The following THSD7A variants were observed in gnomAD, a reference collection of about 807,000 sequenced individuals.
THSD7A encodes the protein thrombospondin type-1 domain-containing protein 7A.
Under a neutral mutation model 231.3 loss-of-function variants are expected in THSD7A, and 96 were observed. The observed-to-expected ratio is 0.41, with a 90% CI of 0.35 to 0.49. The LOEUF (loss-of-function observed/expected upper bound fraction) is 0.49. THSD7A is among the 20% of genes least tolerant of loss of function. The pLI is 0.05. For synonymous variants in THSD7A, 940 were observed against 743.3 expected (o/e 1.26, Z -4.30); for missense variants, 2,290 against 2,070.2 (o/e 1.11, Z -2.06).
chr7:11,383,169 G>A (rs918071656), intron 23 of THSD7A, among the ~76,000 whole-genome samples: 1 of 151,410 alleles, frequency 6.6e-6, no homozygotes, highest in Non-Finnish European at 1.5e-5. Flanking sequence ...ACTATATACA[G>A]AAATGATATA....
intron 9 of THSD7A, among the ~76,000 whole-genome samples, chr7:11,467,717 T>A (rs1785766554): frequency 6.6e-6 from 1 of 151,480 alleles, no homozygotes; most frequent in Non-Finnish European, 1.5e-5. Context: ...CATGTTATTT[T>A]CTTTTCAAGT....
chr7:11,550,002 G>A (rs932584839), intron 4 of THSD7A, among the ~76,000 whole-genome samples: 1 of 152,110 alleles, frequency 6.6e-6, no homozygotes, highest in Admixed American at 6.6e-5. Flanking sequence ...TCAGGCAAGA[G>A]AAAGAAATAA....
chr7:11,617,490 C>T (rs1781147377), intron 2 of THSD7A, among the ~76,000 whole-genome samples: 1 of 152,116 alleles, frequency 6.6e-6, no homozygotes, highest in African/African-American at 2.4e-5. Flanking sequence ...AAATTACCTA[C>T]AAATTCTTAT....
rs867715836 is a variant in THSD7A at position 11,521,628 on chromosome 7, T to G, written c.1822+19791A>C. 1.5e-4 allele frequency among the ~76,000 whole-genome samples: 21 copies of G among 142,812 alleles called. 2 individuals carry two copies. Among genetic ancestry groups the G allele is most frequent in the Admixed American group, 3.5e-4 (5 of 14,382 alleles). The allele number at this position is 142,812 out of a possible 152,430, so 93.7% of individuals were successfully genotyped here. ...TTACATATGTATACATGTGCCATGC[T>G]GGTGCGCTGCACCCACTAACGTGTC... On this transcript the variant is annotated intron_variant, in intron 6 of 27. Coordinates refer to ENST00000423059, the MANE Select transcript of THSD7A (RefSeq NM_015204.3).
At chr7:11,515,548 A>G (rs1787995291) in intron 6 of THSD7A, among the ~76,000 whole-genome samples, 1 of 152,178 alleles carries the variant, frequency 6.6e-6, no homozygotes, top group African/African-American at 2.4e-5. Flanking sequence ...TTAACTCATC[A>G]TCTACTGATT....
chr7:11,519,130 T>C (rs1583893871), intron 6 of THSD7A, among the ~76,000 whole-genome samples: 1 of 152,096 alleles, frequency 6.6e-6, no homozygotes, highest in South Asian at 2.1e-4. Context: ...AATATCTTTA[T>C]TGAAGTAAAA....
chr7:11,582,480 A>T (rs998386065), intron 4 of THSD7A, among the ~76,000 whole-genome samples: 2 of 152,056 alleles, frequency 1.3e-5, no homozygotes, highest in African/African-American at 4.8e-5. Flanking sequence ...GTATTGCTTC[A>T]TACATATCTC....
intron 1 of THSD7A, among the ~76,000 whole-genome samples, chr7:11,741,270 T>C (rs755336525): frequency 1.3e-5 from 2 of 151,954 alleles, no homozygotes; most frequent in African/African-American, 4.8e-5. Flanking sequence ...AGGAAAAAAC[T>C]GTTTTCAATA....
intron 6 of THSD7A, among the ~76,000 whole-genome samples, chr7:11,512,373 G>T (rs1020110045): frequency 1.3e-5 from 2 of 152,128 alleles, no homozygotes; most frequent in Non-Finnish European, 2.9e-5. Flanking sequence ...GGAAGTCAGT[G>T]TGGCGATTCC....
intron 6 of THSD7A, among the ~76,000 whole-genome samples, chr7:11,506,324 A>G (rs971116106): frequency 3.3e-5 from 5 of 152,168 alleles, no homozygotes; most frequent in East Asian, 1.9e-4. Context: ...TGTTAATTAC[A>G]TATTTTCTTC....
At chr7:11,575,003 T>C (rs1790827659) in intron 4 of THSD7A, among the ~76,000 whole-genome samples, 1 of 152,190 alleles carries the variant, frequency 6.6e-6, no homozygotes, top group Non-Finnish European at 1.5e-5. Context: ...TTACTAGCTA[T>C]ATTCCTTAAG....
intron 4 of THSD7A, among the ~76,000 whole-genome samples, chr7:11,569,316 A>G (rs1266167290): frequency 6.6e-6 from 1 of 152,212 alleles, no homozygotes; most frequent in Non-Finnish European, 1.5e-5. Flanking sequence ...ATATACAAGG[A>G]ACTCAACTGC....
rs1183091514 is a variant in THSD7A at position 11,522,102 on chromosome 7, G to C, written c.1822+19317C>G. The stretch of plus-strand genomic sequence containing the variant: ...AGAATTAGGACCTGATAAAAATTTT[G>C]ATAGCATCATTCATGACTGTGTGAG... On this transcript the variant is annotated intron_variant, in intron 6 of 27. Coordinates refer to ENST00000423059, the MANE Select transcript of THSD7A (RefSeq NM_015204.3). 2.0e-5 allele frequency among the ~76,000 whole-genome samples: 3 copies of C among 152,122 alleles called. No homozygotes were observed. The East Asian group carries it at 5.8e-4, about 29-fold the overall frequency.
At chr7:11,793,112 GA>G (rs1784010560) in intron 1 of THSD7A, among the ~76,000 whole-genome samples, 1 of 151,754 alleles carries the variant, frequency 6.6e-6, no homozygotes, top group Admixed American at 6.6e-5. Context: ...TCTATGAACA[GA>G]AAGGGACAAC....
chr7:11,473,878 T>C (rs138084226), intron 8 of THSD7A, among the ~76,000 whole-genome samples: 2,904 of 152,250 alleles, frequency 0.019, 38 homozygotes, highest in Non-Finnish European at 0.03. Flanking sequence ...TTCGGTATTT[T>C]TGATATAGTG....
intron 6 of THSD7A, among the ~76,000 whole-genome samples, chr7:11,529,441 A>G (rs1788611020): frequency 6.6e-6 from 1 of 152,102 alleles, no homozygotes; most frequent in African/African-American, 2.4e-5. Context: ...CCCGACCCAA[A>G]TCTCATCTTG....
Position 11,831,208 on chromosome 7 carries a change from T to C in THSD7A, c.190+549A>G, listed in dbSNP as rs1785182337. On this transcript the variant is annotated intron_variant, in intron 1 of 27. Coordinates refer to ENST00000423059, the MANE Select transcript of THSD7A (RefSeq NM_015204.3). This position sits in a 1 kb window ranked among gnomAD's most constrained non-coding sequence, Gnocchi z 5.0. ...ACACTTTAAAAATCCTCCGACTCGC[T>C]AGTTAATAATTGAGTTTTCAGTCTT... Among the ~76,000 whole-genome samples the C allele has an allele frequency of 6.6e-6, 1 of 152,154 alleles. No homozygotes were observed.
chr7:11,748,582 G>A (rs1782391362), intron 1 of THSD7A, among the ~76,000 whole-genome samples: 1 of 151,818 alleles, frequency 6.6e-6, no homozygotes. Context: ...TCAGAACAAA[G>A]TCAAGAGACA....
chr7:11,777,213 G>A (rs985621455), intron 1 of THSD7A, among the ~76,000 whole-genome samples: 3 of 151,964 alleles, frequency 2.0e-5, no homozygotes, highest in Admixed American at 6.6e-5. Flanking sequence ...CGGCATAAGG[G>A]GACATTTGGT....
Sources: gnomAD v4.1 joint callset for allele counts (sites outside exome capture counted in the v4.1 genomes callset) on GRCh38, gnomAD v4.1.1 for gene constraint, Gnocchi (gnomAD v3.1) non-coding constraint, MANE v1.5 for transcripts, NCBI Gene and HGNC (gene_info 2026-07-23, HGNC 2026-07-21) for gene names.